Variants in CRYBA4 observed in about 807,000 individuals in gnomAD.
The protein encoded by CRYBA4 is crystallin beta A4.
CRYBA4 carries 30 observed loss-of-function variants against 31.7 expected under a neutral mutation model. That is an observed-to-expected ratio of 0.95 (90% CI 0.71 to 1.28). The LOEUF (loss-of-function observed/expected upper bound fraction) is 1.28. Among genes scored for constraint, CRYBA4 ranks in the 50% most tolerant of loss-of-function variants. The pLI, the probability that CRYBA4 is intolerant of heterozygous loss-of-function variation, is 0.00. For synonymous variants in CRYBA4, 102 were observed against 102.3 expected, an observed-to-expected ratio of 1.00 and a Z score of 0.02; for missense variants, 225 against 260.7, an observed-to-expected ratio of 0.86 and a Z score of 0.94.
the CRYBA4 span, chr22:26,612,106 C>G: frequency 1.2e-6 from 2 of 1,613,786 alleles, no homozygotes; most frequent in Middle Eastern, 3.3e-4. Context: ...CGCACACGGT[C>G]GAAGCCACGG....
chr22:26,602,141 T>C, the CRYBA4 span: 2 of 1,275,324 alleles, frequency 1.6e-6, no homozygotes, highest in Admixed American at 1.9e-5. Flanking sequence ...GCTGGGGGAC[T>C]CTCCAGGGAC....
chr22:26,627,465 T>C (rs1421702650), intron 4 of CRYBA4, among the ~76,000 whole-genome samples: 25 of 106,568 alleles, frequency 2.3e-4, no homozygotes, highest in African/African-American at 7.2e-4. Flanking sequence ...TTTTTCTTTC[T>C]TTCTTTCTTT....
chr22:26,594,715 C>T, the CRYBA4 span, among the ~76,000 whole-genome samples: 1 of 151,978 alleles, frequency 6.6e-6, no homozygotes, highest in African/African-American at 2.4e-5. Context: ...AAACAAAAAC[C>T]AAAACAAACA....
chr22:26,620,990 T>C (rs547623111), upstream of CRYBA4, among the ~76,000 whole-genome samples: 10 of 152,310 alleles, frequency 6.6e-5, no homozygotes, highest in African/African-American at 2.4e-4. Flanking sequence ...GAAGCAGGGC[T>C]GGATTTCATC....
rs1602339988 is a variant in CRYBA4, at chr22:26,625,415, T to C, written c.159-66T>C. 5 of 1,577,584 alleles carry C rather than the reference T, an allele frequency of 3.2e-6. No individual in the cohort carries two copies. In the East Asian group the frequency reaches 6.8e-5, roughly 21 times the overall value. On this transcript the variant is annotated intron_variant, in intron 3 of 5. Coordinates refer to ENST00000354760, the MANE Select transcript of CRYBA4 (RefSeq NM_001886.3). The stretch of plus-strand genomic sequence containing the variant: ...GTGACTGTGACCGTTCTAGACCCAA[T>C]TGCTGGTCTAGAATGCAGGGTGAGG...
chr22:26,595,579 CAAAAA>C, the CRYBA4 span, among the ~76,000 whole-genome samples: 1 of 126,244 alleles, frequency 7.9e-6, no homozygotes. Context: ...AACTCCGTCT[CAAAAA>C]AAAAAAAAAA....
chr22:26,623,788 CAAAA>C (rs1569210467), intron 3 of CRYBA4, among the ~76,000 whole-genome samples: 1 of 148,738 alleles, frequency 6.7e-6, no homozygotes, highest in African/African-American at 2.5e-5. Context: ...AATTAAAAAA[CAAAA>C]AAGAGAGTGA....
At chr22:26,627,856 C>T (rs1299959387) in intron 4 of CRYBA4, among the ~76,000 whole-genome samples, 3 of 152,098 alleles carry the variant, frequency 2.0e-5, no homozygotes, top group East Asian at 1.9e-4. Context: ...CCATGTTCGT[C>T]GGGCTGGTCT....
chr22:26,628,346 G>T lies in CRYBA4; in HGVS notation c.359G>T (p.Gly120Val). ...CAAGAGAACTTCCTGGGCAAGAAAG[G>T]AGAGCTGAGCGATGACTATCCTTCC... ...FEQENFLGKKGELSDDYPSLQ... is the reference protein window; with the variant it reads ...FEQENFLGKKVELSDDYPSLQ... The change falls in exon 5 of 6, where the codon GGA becomes GTA. Residue 120 changes from glycine (G) to valine (V), a missense_variant. Coordinates refer to ENST00000354760, the MANE Select transcript of CRYBA4 (RefSeq NM_001886.3). The T allele has an allele frequency of 6.2e-7, 1 of 1,614,036 alleles. No individual in the cohort carries two copies. The highest frequency in any genetic ancestry group is 8.5e-7 in the Non-Finnish European group (1 of 1,180,024).
At chr22:26,611,036 G>A in the CRYBA4 span, among the ~76,000 whole-genome samples, 1 of 152,110 alleles carries the variant, frequency 6.6e-6, no homozygotes, top group South Asian at 2.1e-4. Context: ...TGGACATAGG[G>A]CAACCACTCT....
chr22:26,618,541 C>T (rs1174076044), upstream of CRYBA4, among the ~76,000 whole-genome samples: 1 of 152,156 alleles, frequency 6.6e-6, no homozygotes, highest in Non-Finnish European at 1.5e-5. Context: ...TATGGACAGC[C>T]TTTTTTACGG....
chr22:26,627,362 T>TCCCTCCC (rs1569211574), intron 4 of CRYBA4, among the ~76,000 whole-genome samples: 6 of 30,826 alleles, frequency 1.9e-4, no homozygotes, highest in Admixed American at 3.9e-4. Context: ...CCTCCCTCCT[T>TCCCTCCC]TCTTTCTTTC....
At chr22:26,590,769 C>G in the CRYBA4 span, among the ~76,000 whole-genome samples, 1,625 of 151,908 alleles carry the variant, frequency 0.011, 25 homozygotes, top group African/African-American at 0.037. Flanking sequence ...CCTGCCACTA[C>G]CCCCCCAAAA....
At chr22:26,628,513 G>A in intron 5 of CRYBA4, 83 bp downstream of exon 5, 2 of 1,533,390 alleles carry the variant, frequency 1.3e-6, no homozygotes, top group South Asian at 2.3e-5. Flanking sequence ...TGTGTGCTGG[G>A]GACTTTTGTG....
chr22:26,623,093 C>T, intron 2 of CRYBA4, 141 bp from the exon 3 acceptor site: 3 of 766,224 alleles, frequency 3.9e-6, no homozygotes, highest in Admixed American at 3.5e-5. Flanking sequence ...ACATTTATCA[C>T]TGCTCTTGCC....
At chr22:26,615,081 G>T in the CRYBA4 span, among the ~76,000 whole-genome samples, 5 of 152,106 alleles carry the variant, frequency 3.3e-5, no homozygotes, top group East Asian at 9.6e-4. Flanking sequence ...TGCATTATTA[G>T]AAATTAAATA....
chr22:26,595,231 A>T, the CRYBA4 span, among the ~76,000 whole-genome samples: 1 of 152,190 alleles, frequency 6.6e-6, no homozygotes, highest in Non-Finnish European at 1.5e-5. Flanking sequence ...TCTGGTGTTT[A>T]TTCTGCCAAG....
the CRYBA4 span, among the ~76,000 whole-genome samples, chr22:26,601,630 C>T: frequency 8.8e-6 from 1 of 113,198 alleles, no homozygotes; most frequent in East Asian, 3.4e-4. Flanking sequence ...CTTAGCAGCT[C>T]CTATTTTCTC....
At chr22:26,601,947 G>A in the CRYBA4 span, 51 of 1,613,372 alleles carry the variant, frequency 3.2e-5, no homozygotes, top group Admixed American at 1.3e-4. Flanking sequence ...TGGGTGCGTC[G>A]TCCCCCTGGA....
Sources: allele counts gnomAD v4.1 joint callset (sites outside exome capture counted in the v4.1 genomes callset), GRCh38; gene constraint gnomAD v4.1.1; transcripts MANE v1.5; gene names NCBI Gene and HGNC (gene_info 2026-07-23, HGNC 2026-07-21).